Variants in CDK14 observed in about 807,000 individuals in gnomAD.
CDK14 encodes cyclin dependent kinase 14, also known as cyclin-dependent kinase 14.
CDK14 carries 34 observed loss-of-function variants against 60.7 expected under a neutral mutation model. The ratio of observed to expected loss-of-function variants is 0.56; its 90% confidence interval spans 0.43 to 0.75. CDK14 has a LOEUF of 0.75. Among genes scored for constraint, CDK14 ranks in the 30% least tolerant of loss-of-function variants. The probability of loss-of-function intolerance (pLI) is 0.00; values close to 1 mark genes in which losing one functional copy is unlikely to be tolerated. For synonymous variants in CDK14, 197 were observed against 203.7 expected (o/e 0.97, Z 0.28); for missense variants, 482 against 564.1 (o/e 0.85, Z 1.47).
intron 7 of CDK14, among the ~76,000 whole-genome samples, chr7:90,901,168 A>C (rs554695598): frequency 6.6e-6 from 1 of 152,070 alleles, no homozygotes; most frequent in African/African-American, 2.4e-5. Context: ...TCATACTTCA[A>C]ATACTTACTG....
At chr7:90,614,686 A>G (rs1029008833) in intron 2 of CDK14, among the ~76,000 whole-genome samples, 5 of 152,246 alleles carry the variant, frequency 3.3e-5, no homozygotes, top group South Asian at 4.1e-4. Flanking sequence ...GGGCTCAAGC[A>G]GTCCACCAGT....
chr7:91,141,889 G>T (rs1194850247), intron 14 of CDK14, among the ~76,000 whole-genome samples: 2 of 151,988 alleles, frequency 1.3e-5, no homozygotes, highest in Admixed American at 1.3e-4. Flanking sequence ...GCAGTGGCGT[G>T]ATCTCCGCTC....
At chr7:91,104,922 T>C (rs1045629921) in intron 12 of CDK14, among the ~76,000 whole-genome samples, 2 of 152,190 alleles carry the variant, frequency 1.3e-5, no homozygotes, top group Admixed American at 1.3e-4. Flanking sequence ...TTTGTGATTA[T>C]TCCAGGGAGA....
intron 4 of CDK14, among the ~76,000 whole-genome samples, chr7:90,763,446 T>A (rs1419356320): frequency 6.6e-6 from 1 of 152,160 alleles, no homozygotes; most frequent in Non-Finnish European, 1.5e-5. Context: ...GGAGTGTCAA[T>A]GAATTTGGGG....
chr7:90,687,860 A>C (rs1393520365), intron 2 of CDK14, among the ~76,000 whole-genome samples: 1 of 152,196 alleles, frequency 6.6e-6, no homozygotes, highest in African/African-American at 2.4e-5. Flanking sequence ...TGATAAATAA[A>C]ATTGTGGAAT....
intron 14 of CDK14, among the ~76,000 whole-genome samples, chr7:91,168,992 G>A (rs1319512989): frequency 1.3e-5 from 2 of 152,152 alleles, no homozygotes; most frequent in Non-Finnish European, 1.5e-5. Flanking sequence ...TCCAAGCACT[G>A]AATAGAAACC....
chr7:90,729,746 T>A (rs1285536597), intron 3 of CDK14, among the ~76,000 whole-genome samples: 1 of 152,008 alleles, frequency 6.6e-6, no homozygotes, highest in Non-Finnish European at 1.5e-5. Flanking sequence ...CAATGTGCCC[T>A]GGAAAAATGT....
chr7:90,776,445 C>T (rs140691709), intron 4 of CDK14, among the ~76,000 whole-genome samples: 110 of 152,266 alleles, frequency 7.2e-4, no homozygotes, highest in African/African-American at 2.5e-3. Context: ...TGATTAAAGT[C>T]TCTCAAAACC....
At chr7:90,728,412 T>C (rs1372224651) in intron 3 of CDK14, among the ~76,000 whole-genome samples, 3 of 152,040 alleles carry the variant, frequency 2.0e-5, no homozygotes, top group African/African-American at 7.2e-5. Context: ...ATCTTTTTTT[T>C]CCTACCTTCT....
intron 3 of CDK14, among the ~76,000 whole-genome samples, chr7:90,735,297 A>G (rs1391978331): frequency 6.6e-6 from 1 of 152,160 alleles, no homozygotes; most frequent in Non-Finnish European, 1.5e-5. Flanking sequence ...TCAGGGACCC[A>G]CTTGAGGAGG....
At chr7:91,160,497 T>TG (rs551870327) in intron 14 of CDK14, among the ~76,000 whole-genome samples, 232 of 151,834 alleles carry the variant, frequency 1.5e-3, no homozygotes, top group Middle Eastern at 0.014. Flanking sequence ...TATGTTATGA[T>TG]GGGGGGGGAT....
intron 2 of CDK14, among the ~76,000 whole-genome samples, chr7:90,640,010 C>T (rs1258056269): frequency 6.6e-6 from 1 of 152,136 alleles, no homozygotes; most frequent in Non-Finnish European, 1.5e-5. Context: ...TGATTTTCCA[C>T]GTGCTGTCTG....
intron 14 of CDK14, among the ~76,000 whole-genome samples, chr7:91,134,169 T>C (rs1800199338): frequency 6.6e-6 from 1 of 152,178 alleles, no homozygotes; most frequent in East Asian, 1.9e-4. Flanking sequence ...TGTACTTTCC[T>C]ATGCCAAGAC....
At chr7:90,604,183 A>G (rs768182437) in intron 1 of CDK14, 35 bp from the exon 2 acceptor site, 7 of 1,429,442 alleles carry the variant, frequency 4.9e-6, no homozygotes, top group Middle Eastern at 1.8e-4. Flanking sequence ...GGAATTTTTC[A>G]CAATAACTGT....
Position 90,995,193 on chromosome 7 carries a change from C to T in CDK14, c.1041+10952C>T, listed in dbSNP as rs1795649520. On this transcript the variant is annotated intron_variant, in intron 10 of 14. Coordinates refer to ENST00000380050, the MANE Select transcript of CDK14 (RefSeq NM_001287135.2). ...TGTTACTTCTTGCTCACTTTGTCTT[C>T]CTCTCTTACCGGCTCGCTCTGAGGG... Among the ~76,000 whole-genome samples, 4 of 152,264 alleles carry T rather than the reference C, an allele frequency of 2.6e-5. No homozygotes were observed. In the South Asian group the frequency reaches 8.3e-4, roughly 32 times the overall value.
chr7:90,823,925 GAAATAA>G (rs1789634373), intron 5 of CDK14, among the ~76,000 whole-genome samples: 1 of 152,040 alleles, frequency 6.6e-6, no homozygotes, highest in African/African-American at 2.4e-5. Flanking sequence ...ATATTTCTTG[GAAATAA>G]AAATGAATAC....
chr7:91,130,802 TA>T (rs1408692712), intron 14 of CDK14, among the ~76,000 whole-genome samples: 1 of 152,174 alleles, frequency 6.6e-6, no homozygotes, highest in Non-Finnish European at 1.5e-5. Context: ...TTTCCTTTTT[TA>T]TATGCATCAA....
chr7:90,639,450 G>T (rs767486102), intron 2 of CDK14, among the ~76,000 whole-genome samples: 9 of 152,064 alleles, frequency 5.9e-5, no homozygotes, highest in Admixed American at 3.3e-4. Context: ...GCAGATTTTC[G>T]TGTTACATGA....
intron 2 of CDK14, among the ~76,000 whole-genome samples, chr7:90,703,370 A>G (rs916254183): frequency 3.3e-5 from 5 of 152,164 alleles, no homozygotes; most frequent in African/African-American, 1.2e-4. Flanking sequence ...TACACACTTG[A>G]GGCATGACAC....
Sources: allele counts gnomAD v4.1 joint callset (sites outside exome capture counted in the v4.1 genomes callset), GRCh38; gene constraint gnomAD v4.1.1; transcripts MANE v1.5; gene names NCBI Gene and HGNC (gene_info 2026-07-23, HGNC 2026-07-21).